Variants in COL23A1 observed in about 807,000 individuals in gnomAD.
COL23A1 encodes collagen alpha-1(XXIII) chain.
In COL23A1, 97 loss-of-function variants were observed where a neutral mutation model predicts 99.3. The observed-to-expected ratio is 0.98, with a 90% CI of 0.83 to 1.16. The LOEUF (loss-of-function observed/expected upper bound fraction) is 1.16. Ranked by LOEUF, COL23A1 falls within the 50% of genes most tolerant of loss-of-function variation. The pLI, the probability that COL23A1 is intolerant of heterozygous loss-of-function variation, is 0.00. For synonymous variants in COL23A1, 320 were observed against 308.2 expected (o/e 1.04, Z -0.40); for missense variants, 762 against 757.4 (o/e 1.01, Z -0.07).
chr5:178,479,909 G>A (rs12153215), intron 2 of COL23A1, among the ~76,000 whole-genome samples: 32,121 of 151,984 alleles, frequency 0.21, 3,858 homozygotes, highest in Middle Eastern at 0.28. Context: ...TAGATGGGGC[G>A]GCCTACTGCA....
At chr5:178,527,189 G>A (rs1167846486) in intron 2 of COL23A1, among the ~76,000 whole-genome samples, 1 of 152,186 alleles carries the variant, frequency 6.6e-6, no homozygotes, top group East Asian at 1.9e-4. Flanking sequence ...GGCCCTCGGT[G>A]AGGAGAGTGG....
At chr5:178,541,957 T>C (rs949505147) in intron 2 of COL23A1, among the ~76,000 whole-genome samples, 1 of 152,182 alleles carries the variant, frequency 6.6e-6, no homozygotes, top group African/African-American at 2.4e-5. Context: ...AGGTGCTGTT[T>C]CTTGGCCTGG....
At chr5:178,327,838 C>T (rs1441418740) in intron 2 of COL23A1, among the ~76,000 whole-genome samples, 3 of 152,166 alleles carry the variant, frequency 2.0e-5, no homozygotes, top group African/African-American at 7.2e-5. Flanking sequence ...TCTCCCTGCG[C>T]CCCACACAGC....
intron 1 of COL23A1, among the ~76,000 whole-genome samples, chr5:178,571,288 G>T (rs1201742703): frequency 6.6e-6 from 1 of 152,044 alleles, no homozygotes; most frequent in African/African-American, 2.4e-5. Flanking sequence ...CTTGAACCCG[G>T]GAGACAGAGG....
chr5:178,567,801 AT>A (rs1167872682), intron 1 of COL23A1, among the ~76,000 whole-genome samples: 5 of 152,246 alleles, frequency 3.3e-5, no homozygotes, highest in African/African-American at 1.2e-4. Flanking sequence ...CAAAGAATAA[AT>A]TAAATATCCT....
intron 2 of COL23A1, among the ~76,000 whole-genome samples, chr5:178,408,974 ATACACACACACACACAC>A (rs1764913601): frequency 1.8e-5 from 1 of 56,068 alleles, no homozygotes; most frequent in Non-Finnish European, 3.2e-5. Flanking sequence ...AAAAAAAAAA[ATACACACACACACACAC>A]ACACACACAC....
At chr5:178,377,545 A>C (rs2910120) in intron 2 of COL23A1, among the ~76,000 whole-genome samples, 20,773 of 152,170 alleles carry the variant, frequency 0.14, 1,515 homozygotes, top group South Asian at 0.23. Flanking sequence ...ACCCTCTGCC[A>C]CCGGCCATGT....
rs1303215057 is a variant in COL23A1, at chr5:178,294,991, A to C, written c.407-4622T>G. Among the ~76,000 whole-genome samples the C allele has an allele frequency of 6.7e-5, 10 of 149,800 alleles. No homozygotes were observed. The East Asian group carries it at 1.9e-3, about 29-fold the overall frequency. ...ACCCTGTCTTTATTAAAAATACAAC[A>C]AAACAAAACAAAACAAAACAAAAAA... On this transcript the variant is annotated intron_variant, in intron 3 of 28. Transcript: ENST00000390654.
At chr5:178,500,652 A>G (rs1175615058) in intron 2 of COL23A1, among the ~76,000 whole-genome samples, 1 of 151,516 alleles carries the variant, frequency 6.6e-6, no homozygotes, top group Non-Finnish European at 1.5e-5. Flanking sequence ...AAAAGAAAAA[A>G]AAAAAAAAGA....
At position 178,472,428 on chromosome 5, in the gene COL23A1, C is replaced by T. The variant is rs187551900; in HGVS notation, c.361+88254G>A. ...GAGGTGCCAGCATGCTTTGGTTCTA[C>T]TCCAAGAAAGTCTGATTCCGGAGTT... is the stretch of plus-strand genomic sequence containing the variant. On this transcript the variant is annotated intron_variant, in intron 2 of 28. Coordinates refer to ENST00000390654, the MANE Select transcript of COL23A1 (RefSeq NM_173465.4). Among the ~76,000 whole-genome samples the T allele has an allele frequency of 2.6e-3, 394 of 152,324 alleles. 1 individual carries two copies. The highest frequency in any genetic ancestry group is 9.2e-3 in the African/African-American group (381 of 41,560).
intron 1 of COL23A1, among the ~76,000 whole-genome samples, chr5:178,581,732 G>T (rs377373566): frequency 1.3e-5 from 2 of 152,080 alleles, no homozygotes; most frequent in East Asian, 3.9e-4. Flanking sequence ...TGTATGCCAC[G>T]TTGATAGTAG....
chr5:178,589,985 C>A lies in COL23A1; in HGVS notation c.213G>T (p.Glu71Asp). 1 of 1,343,210 alleles carries A rather than the reference C, an allele frequency of 7.4e-7. No homozygotes were observed. Among genetic ancestry groups the A allele is most frequent in the South Asian group, 1.9e-5 (1 of 53,118 alleles). The allele number at this position is 1,343,210 out of a possible 1,614,324, so 83.2% of individuals were successfully genotyped here. The change falls in exon 1 of 29, where the codon GAG (glutamate) becomes GAT (aspartate). Residue 71 changes from glutamate to aspartate, a missense_variant. Glu to Asp is a conservative substitution (Grantham distance 45, BLOSUM62 2). Transcript: ENST00000390654. This position sits in a 1 kb window ranked among gnomAD's most constrained non-coding sequence, Gnocchi z 5.4. ...GCCCCGCGCGCCGCAGCAGCTCCCG[C>A]TCCTCCTCGAGCGCCGCCACCCGGC... Reference protein sequence around the residue: ...LQGRVAALEEERELLRRAGPP... With the variant: ...LQGRVAALEEDRELLRRAGPP...
chr5:178,581,561 G>A (rs62391103), intron 1 of COL23A1, among the ~76,000 whole-genome samples: 1,934 of 132,862 alleles, frequency 0.015, 18 homozygotes, highest in Non-Finnish European at 0.023. Flanking sequence ...GTGAGATTCC[G>A]TCTCAAAAAA....
intron 5 of COL23A1, among the ~76,000 whole-genome samples, 187 bp downstream of exon 5, chr5:178,288,137 G>C (rs1227624079): frequency 6.6e-6 from 1 of 152,092 alleles, no homozygotes; most frequent in African/African-American, 2.4e-5. Flanking sequence ...TTGCCTCCAG[G>C]GCAGCCCTGG....
intron 2 of COL23A1, among the ~76,000 whole-genome samples, chr5:178,352,719 C>T (rs368666061): frequency 6.6e-6 from 1 of 152,220 alleles, no homozygotes. Flanking sequence ...TCTAAGCATG[C>T]CCCTCTGAGT....
intron 5 of COL23A1, among the ~76,000 whole-genome samples, chr5:178,273,458 C>T (rs1235886627): frequency 6.6e-6 from 1 of 152,218 alleles, no homozygotes; most frequent in Non-Finnish European, 1.5e-5. Flanking sequence ...AACGCCCTGC[C>T]TGTATTTGTG....
chr5:178,318,061 G>A lies in COL23A1; in HGVS notation c.362-11142C>T, dbSNP rs536825114. 6.6e-5 allele frequency among the ~76,000 whole-genome samples: 10 copies of A among 152,274 alleles called. No individual in the cohort carries two copies. The East Asian group carries it at 9.7e-4, about 15-fold the overall frequency. ...ATTTGGGTGGGGACACAGCCACACC[G>A]TATCAGGGAGGGACAAAGAGAGCCA... On this transcript the variant is annotated intron_variant, in intron 2 of 28. Coordinates refer to ENST00000390654, the MANE Select transcript of COL23A1 (RefSeq NM_173465.4).
intron 2 of COL23A1, among the ~76,000 whole-genome samples, chr5:178,513,050 G>T (rs1759296581): frequency 6.6e-6 from 1 of 152,174 alleles, no homozygotes; most frequent in South Asian, 2.1e-4. Context: ...TATTCCAGGG[G>T]CTCAAGCTGC....
In COL23A1 at chr5:178,310,160, G is replaced by T. The variant is rs1430786442; in HGVS notation, c.362-3241C>A. On this transcript the variant is annotated intron_variant, in intron 2 of 28. Coordinates refer to ENST00000390654, the MANE Select transcript of COL23A1 (RefSeq NM_173465.4). This position sits in a 1 kb window ranked among gnomAD's most constrained non-coding sequence, Gnocchi z 4.3. ...GAAGACAGGCGGTGAGGCCCTGGGAGAGGGCGAGTGTGCCGGAGCTGCACT... is the reference window on the plus strand; with the variant it reads ...GAAGACAGGCGGTGAGGCCCTGGGATAGGGCGAGTGTGCCGGAGCTGCACT... 6.6e-6 allele frequency among the ~76,000 whole-genome samples: 1 copy of T among 152,236 alleles called. No homozygotes were observed. The highest frequency in any genetic ancestry group is 1.5e-5 in the Non-Finnish European group (1 of 68,040).
Sources: gnomAD v4.1 joint callset for allele counts (sites outside exome capture counted in the v4.1 genomes callset) on GRCh38, gnomAD v4.1.1 for gene constraint, Gnocchi (gnomAD v3.1) non-coding constraint, MANE v1.5 for transcripts, NCBI Gene and HGNC (gene_info 2026-07-23, HGNC 2026-07-21) for gene names.